The following HSPA4L variants were observed in gnomAD, a reference collection of about 807,000 sequenced individuals.
HSPA4L encodes heat shock protein family A (Hsp70) member 4 like.
HSPA4L carries 48 observed loss-of-function variants against 100.3 expected under a neutral mutation model. That is an observed-to-expected ratio of 0.48 (90% CI 0.38 to 0.61). The LOEUF (loss-of-function observed/expected upper bound fraction) is 0.61. Among genes scored for constraint, HSPA4L ranks in the 20% least tolerant of loss-of-function variants. The pLI, the probability that HSPA4L is intolerant of heterozygous loss-of-function variation, is 0.00. For missense variants in HSPA4L, 886 were observed against 988.6 expected (o/e 0.90, Z 1.39); for synonymous variants, 319 against 328.2 (o/e 0.97, Z 0.30).
At chr4:127,829,615 G>A (rs376538205) in intron 17 of HSPA4L, among the ~76,000 whole-genome samples, 6 of 152,020 alleles carry the variant, frequency 3.9e-5, no homozygotes, top group Non-Finnish European at 7.4e-5. Context: ...ATTTTGACCC[G>A]AAAGAATGAA....
Position 127,838,615 on chromosome 4 carries a change from TAA to T in HSPA4L, c.*5745_*5746del, listed in dbSNP as rs888812056. 13 of 152,198 alleles carry T rather than the reference TAA, an allele frequency of 8.5e-5. No homozygotes were observed. Among genetic ancestry groups the T allele is most frequent in the Admixed American group, 2.0e-4 (3 of 15,278 alleles). The allele number at this position is 152,198 out of a possible 1,614,324, so 9.4% of individuals were successfully genotyped here. ...TGACACCTGAAAATTACCTATCCTG[TAA>T]AAAGACTGGTGAAATTCAACATGTT... is the stretch of plus-strand genomic sequence containing the variant. On this transcript the variant is annotated 3_prime_UTR_variant, in exon 19 of 19. Coordinates refer to ENST00000296464, the MANE Select transcript of HSPA4L (RefSeq NM_014278.4).
chr4:127,797,882 A>G (rs1464368928), intron 3 of HSPA4L, among the ~76,000 whole-genome samples: 1 of 152,086 alleles, frequency 6.6e-6, no homozygotes, highest in African/African-American at 2.4e-5. Flanking sequence ...ATTACATAGA[A>G]TATTCTTATA....
In HSPA4L at chr4:127,836,382, C is replaced by G. The variant is rs1734212012; in HGVS notation, c.*3508C>G. On this transcript the variant is annotated 3_prime_UTR_variant, in exon 19 of 19. Coordinates refer to ENST00000296464, the MANE Select transcript of HSPA4L (RefSeq NM_014278.4). ...ACTCCATCTCAAAAACAAAACAAAA[C>G]AAAAACATAAAAGGAAAACAAGACA... The G allele has an allele frequency of 6.4e-6, 1 of 157,208 alleles. No homozygotes were observed. The highest frequency in any genetic ancestry group is 2.0e-4 in the South Asian group (1 of 4,908). The allele number at this position is 157,208 out of a possible 1,614,324, so 9.7% of individuals were successfully genotyped here. A position where few individuals can be genotyped will look rare whatever the true frequency, so the allele number is the denominator to read the frequency against.
chr4:127,812,957 CCTTAA>C (rs766687850), intron 12 of HSPA4L: 22 of 818,212 alleles, frequency 2.7e-5, no homozygotes, highest in Middle Eastern at 3.1e-4. Flanking sequence ...AGAATCTTGC[CCTTAA>C]CTTGTTTGTT....
chr4:127,821,474 T>C (rs1733812600), intron 14 of HSPA4L, among the ~76,000 whole-genome samples: 1 of 152,188 alleles, frequency 6.6e-6, no homozygotes, highest in South Asian at 2.1e-4. Context: ...TGCTCAAGTA[T>C]TATAATCTTC....
intron 1 of HSPA4L, among the ~76,000 whole-genome samples, chr4:127,793,262 C>T (rs535188959): frequency 1.3e-5 from 2 of 152,200 alleles, no homozygotes; most frequent in African/African-American, 2.4e-5. Flanking sequence ...AAGAAGTCAC[C>T]TCTCTTATCT....
intron 1 of HSPA4L, among the ~76,000 whole-genome samples, chr4:127,789,127 T>A (rs1405914696): frequency 6.6e-6 from 1 of 152,122 alleles, no homozygotes; most frequent in Non-Finnish European, 1.5e-5. Flanking sequence ...TTATAAAAAT[T>A]AGCTTTTTGA....
Position 127,831,327 on chromosome 4 carries a change from C to A in HSPA4L, c.2328+528C>A, listed in dbSNP as rs1734075044. On this transcript the variant is annotated intron_variant, in intron 18 of 18. Coordinates refer to ENST00000296464, the MANE Select transcript of HSPA4L (RefSeq NM_014278.4). ...ACCAGCATAAACAACATGGTGAAAC[C>A]CCATCTCTACAAAAAATACAAAAAT... Among the ~76,000 whole-genome samples the A allele has an allele frequency of 2.6e-5, 4 of 151,570 alleles. No individual in the cohort carries two copies. The South Asian group carries it at 6.3e-4, about 24-fold the overall frequency.
intron 17 of HSPA4L, 98 bp downstream of exon 17, chr4:127,827,522 G>C (rs756668170): frequency 1.4e-5 from 19 of 1,324,766 alleles, no homozygotes; most frequent in African/African-American, 3.0e-5. Context: ...TATAGCAGTT[G>C]TATCTATCAA....
chr4:127,819,741 G>A (rs2148795833), intron 13 of HSPA4L, among the ~76,000 whole-genome samples: 2 of 152,274 alleles, frequency 1.3e-5, no homozygotes, highest in Middle Eastern at 6.8e-3. Flanking sequence ...GTACTTATTT[G>A]TGACTGGCTT....
chr4:127,814,427 G>T (rs1269391629), intron 12 of HSPA4L, among the ~76,000 whole-genome samples: 2 of 150,042 alleles, frequency 1.3e-5, no homozygotes, highest in Non-Finnish European at 3.0e-5. Flanking sequence ...ATTTTTTTTT[G>T]AGCCACCATG....
intron 12 of HSPA4L, among the ~76,000 whole-genome samples, chr4:127,815,939 G>A (rs1183617778): frequency 6.6e-6 from 1 of 152,172 alleles, no homozygotes; most frequent in Non-Finnish European, 1.5e-5. Flanking sequence ...TCCAGGCAGA[G>A]TGAATAACAA....
At chr4:127,804,929 A>T in intron 8 of HSPA4L, 144 bp from the exon 9 acceptor site, 1 of 561,426 alleles carries the variant, frequency 1.8e-6, no homozygotes, top group East Asian at 3.0e-5. Flanking sequence ...ATTAAATGTT[A>T]TATCTTTCTA....
intron 3 of HSPA4L, 90 bp downstream of exon 3, chr4:127,795,998 C>T: frequency 7.8e-7 from 1 of 1,279,840 alleles, no homozygotes; most frequent in Non-Finnish European, 1.1e-6. Flanking sequence ...TGACCTTTTT[C>T]CTCTAGATAC....
intron 12 of HSPA4L, among the ~76,000 whole-genome samples, chr4:127,814,816 C>T (rs1036316600): frequency 3.9e-5 from 6 of 152,172 alleles, no homozygotes; most frequent in African/African-American, 1.2e-4. Flanking sequence ...CCACCAGCCT[C>T]TACCTCCCAA....
intron 1 of HSPA4L, among the ~76,000 whole-genome samples, chr4:127,790,268 G>A (rs1442328518): frequency 6.6e-6 from 1 of 152,118 alleles, no homozygotes; most frequent in East Asian, 1.9e-4. Flanking sequence ...TGGTAGCCTA[G>A]TATTGAAAAA....
chr4:127,827,230 C>T, intron 16 of HSPA4L, 75 bp from the exon 17 acceptor site: 1 of 1,187,588 alleles, frequency 8.4e-7, no homozygotes, highest in South Asian at 1.4e-5. Flanking sequence ...TATTTATCAT[C>T]CTATAAGGGC....
Position 127,832,922 on chromosome 4 carries a change from G to GGGTCCATCTT in HSPA4L, c.*49_*58dup. On this transcript the variant is annotated 3_prime_UTR_variant, in exon 19 of 19. Transcript: ENST00000296464. ...AATTCAAACCGTGCAAGTAACCACGGGGTCCATCTTTTACATCTGGTACAC... is the reference window on the plus strand; with the variant it reads ...AATTCAAACCGTGCAAGTAACCACGGGGTCCATCTTGGTCCATCTTTTACATCTGGTACAC... 1 of 1,387,290 alleles carries GGGTCCATCTT rather than the reference G, an allele frequency of 7.2e-7. No homozygotes were observed. The highest frequency in any genetic ancestry group is 9.8e-7 in the Non-Finnish European group (1 of 1,015,398). The allele number at this position is 1,387,290 out of a possible 1,614,324, so 85.9% of individuals were successfully genotyped here. A position where few individuals can be genotyped will look rare whatever the true frequency, so the allele number is the denominator to read the frequency against.
intron 6 of HSPA4L, among the ~76,000 whole-genome samples, chr4:127,802,546 A>G (rs1257803135): frequency 6.6e-6 from 1 of 152,154 alleles, no homozygotes; most frequent in Non-Finnish European, 1.5e-5. Context: ...ATATAGGGTA[A>G]TTTTCAGTAT....
Sources: allele counts gnomAD v4.1 joint callset (sites outside exome capture counted in the v4.1 genomes callset), GRCh38; gene constraint gnomAD v4.1.1; transcripts MANE v1.5; gene names NCBI Gene and HGNC (gene_info 2026-07-23, HGNC 2026-07-21).